NTAQ1: variants seen among roughly 807,000 people sequenced by gnomAD.
NTAQ1 encodes the protein N-terminal glutamine amidase 1, also known as protein N-terminal glutamine amidohydrolase.
NTAQ1 carries 21 observed loss-of-function variants against 28.2 expected under a neutral mutation model. The ratio of observed to expected loss-of-function variants is 0.74; its 90% confidence interval spans 0.53 to 1.07. NTAQ1 has a LOEUF of 1.07. Ranked by LOEUF, NTAQ1 falls within the 50% of genes least tolerant of loss-of-function variation. The probability of loss-of-function intolerance (pLI) is 0.00; values close to 1 mark genes in which losing one functional copy is unlikely to be tolerated. For missense variants in NTAQ1, 264 were observed against 256.6 expected, an observed-to-expected ratio of 1.03 and a Z score of -0.20; for synonymous variants, 105 against 90.0, an observed-to-expected ratio of 1.17 and a Z score of -0.94.
downstream of NTAQ1, among the ~76,000 whole-genome samples, chr8:123,453,082 C>A (rs919229903): frequency 1.3e-5 from 2 of 152,152 alleles, no homozygotes; most frequent in East Asian, 3.9e-4. Context: ...TTAATACAGT[C>A]ACACCGTTCT....
rs771330580 is a variant in NTAQ1, at chr8:123,436,620, G to A, written c.383+19G>A. 6 of 1,597,494 alleles carry A rather than the reference G, an allele frequency of 3.8e-6. No individual in the cohort carries two copies. The East Asian group carries it at 6.7e-5, about 18-fold the overall frequency. The stretch of plus-strand genomic sequence containing the variant: ...TTAGGAGGTGAGGACATTCAAGATG[G>A]ATTTACTTATTTTCTGAAGTAAGAA... On this transcript the variant is annotated intron_variant, in intron 4 of 5. Coordinates refer to ENST00000287387, the MANE Select transcript of NTAQ1 (RefSeq NM_018024.3).
intron 3 of NTAQ1, among the ~76,000 whole-genome samples, chr8:123,431,171 C>T (rs1814366457): frequency 6.6e-6 from 1 of 151,966 alleles, no homozygotes; most frequent in African/African-American, 2.4e-5. Context: ...AACCCCGTCT[C>T]TACTAAAGTA....
downstream of NTAQ1, among the ~76,000 whole-genome samples, chr8:123,445,273 AC>A (rs145454036): frequency 1.4e-5 from 2 of 144,296 alleles, no homozygotes; most frequent in Admixed American, 7.0e-5. Context: ...TTGTTTCCCC[AC>A]CCCCCCGACA....
chr8:123,451,772 G>A (rs1815501513), downstream of NTAQ1, among the ~76,000 whole-genome samples: 1 of 152,176 alleles, frequency 6.6e-6, no homozygotes, highest in Non-Finnish European at 1.5e-5. Flanking sequence ...ATTCAATAAA[G>A]GAACAACTCC....
chr8:123,457,184 A>T (rs1815673578), intron 6 of NTAQ1, among the ~76,000 whole-genome samples: 1 of 152,158 alleles, frequency 6.6e-6, no homozygotes, highest in African/African-American at 2.4e-5. Context: ...CTCCTGCCTC[A>T]GCCTACCAAG....
chr8:123,443,047 T>G (rs912314301), downstream of NTAQ1, among the ~76,000 whole-genome samples: 1 of 151,032 alleles, frequency 6.6e-6, no homozygotes, highest in African/African-American at 2.4e-5. Flanking sequence ...TGAGACAAAG[T>G]CTCACTCTGT....
At chr8:123,459,017 G>T (rs1815739156) in intron 6 of NTAQ1, among the ~76,000 whole-genome samples, 1 of 152,000 alleles carries the variant, frequency 6.6e-6, no homozygotes, top group Non-Finnish European at 1.5e-5. Context: ...GGCGGAGGTT[G>T]CAGTGAGCCG....
chr8:123,455,780 T>TTCC (rs1440839348), intron 6 of NTAQ1, among the ~76,000 whole-genome samples: 4 of 152,164 alleles, frequency 2.6e-5, no homozygotes, highest in Non-Finnish European at 5.9e-5. Flanking sequence ...GGAAGTCTAC[T>TTCC]GCAGGTGTTC....
intron 1 of NTAQ1, among the ~76,000 whole-genome samples, chr8:123,417,657 G>C (rs953000278): frequency 1.3e-5 from 2 of 152,036 alleles, no homozygotes; most frequent in Non-Finnish European, 2.9e-5. Context: ...CCAGCTTCTA[G>C]TCCTTGTACA....
At chr8:123,466,188 C>A (rs959813029) in intron 6 of NTAQ1, among the ~76,000 whole-genome samples, 6 of 152,068 alleles carry the variant, frequency 3.9e-5, no homozygotes, top group Admixed American at 1.3e-4. Flanking sequence ...CACCAAAGAT[C>A]CCAAGAAAAG....
chr8:123,438,835 T>C (rs1034001801), intron 5 of NTAQ1, among the ~76,000 whole-genome samples: 30 of 152,156 alleles, frequency 2.0e-4, no homozygotes, highest in African/African-American at 6.8e-4. Flanking sequence ...TGGAATTGCT[T>C]ATCAGTACAC....
chr8:123,469,261 T>C (rs970556218), exon 7 of NTAQ1, among the ~76,000 whole-genome samples: 48 of 152,356 alleles, frequency 3.2e-4, no homozygotes, highest in African/African-American at 1.1e-3. Context: ...TTTTGTTGCC[T>C]ATGCATTTAG....
intron 1 of NTAQ1, among the ~76,000 whole-genome samples, chr8:123,419,386 A>G (rs1263297351): frequency 6.6e-6 from 1 of 151,996 alleles, no homozygotes; most frequent in African/African-American, 2.4e-5. Flanking sequence ...GGTGTGAGTC[A>G]CCGTGCCCGG....
Position 123,441,579 on chromosome 8 carries a change from C to A in NTAQ1, c.*164C>A. On this transcript the variant is annotated 3_prime_UTR_variant, in exon 6 of 6. Coordinates refer to ENST00000287387, the MANE Select transcript of NTAQ1 (RefSeq NM_018024.3). Reference sequence around the variant, plus strand: ...AGTGAATACAAATATAAATGAACAACATAAAAACTTTTGTTTTGACATGTC... The same window carrying A: ...AGTGAATACAAATATAAATGAACAAAATAAAAACTTTTGTTTTGACATGTC... 1 of 656,386 alleles carries A rather than the reference C, an allele frequency of 1.5e-6. No homozygotes were observed. The highest frequency in any genetic ancestry group is 2.6e-6 in the Non-Finnish European group (1 of 381,252). 40.7% of individuals were successfully genotyped at this position (656,386 alleles called of 1,614,324 possible). A position where few individuals can be genotyped will look rare whatever the true frequency, so the allele number is the denominator to read the frequency against.
intron 5 of NTAQ1, chr8:123,438,291 A>T: frequency 1.5e-6 from 1 of 664,972 alleles, no homozygotes; most frequent in Non-Finnish European, 2.7e-6. Context: ...CAACACCTGG[A>T]TAATACAGTC....
intron 6 of NTAQ1, among the ~76,000 whole-genome samples, chr8:123,463,729 A>G (rs1462980522): frequency 6.6e-6 from 1 of 152,128 alleles, no homozygotes; most frequent in Non-Finnish European, 1.5e-5. Flanking sequence ...CTAAGGGGGA[A>G]GAAAGGAAGC....
At chr8:123,459,677 C>G (rs1586969615) in intron 6 of NTAQ1, among the ~76,000 whole-genome samples, 2 of 152,124 alleles carry the variant, frequency 1.3e-5, no homozygotes, top group East Asian at 3.8e-4. Context: ...GTCTCAGGTA[C>G]CTGGGGCAGA....
chr8:123,436,482 A>G lies in NTAQ1; in HGVS notation c.264A>G (p.Ser88=), dbSNP rs1814719765. ...WDYHVVLLHV[S]SGGQNFIYDL... ...ACCATGTTGTTTTGCTTCATGTTTCAAGTGGAGGACAGAACTTCATTTATG... is the reference window on the plus strand; with the variant it reads ...ACCATGTTGTTTTGCTTCATGTTTCGAGTGGAGGACAGAACTTCATTTATG... The change falls in exon 4 of 6, where the codon TCA becomes TCG. Residue 88 remains serine (S), a synonymous_variant. Transcript: ENST00000287387. 2 of 1,613,350 alleles carry G rather than the reference A, an allele frequency of 1.2e-6. No individual in the cohort carries two copies. Among genetic ancestry groups the G allele is most frequent in the Non-Finnish European group, 1.7e-6 (2 of 1,179,796 alleles).
chr8:123,436,533 C>G lies in NTAQ1; in HGVS notation c.315C>G (p.Pro105=). 2 of 1,614,048 alleles carry G rather than the reference C, an allele frequency of 1.2e-6. No individual in the cohort carries two copies. Among genetic ancestry groups the G allele is most frequent in the Non-Finnish European group, 1.7e-6 (2 of 1,179,972 alleles). The change falls in exon 4 of 6, where the codon CCC becomes CCG. Residue 105 remains proline (P), a synonymous_variant. Transcript: ENST00000287387. ...ATCTCGATACTGTCTTGCCATTTCC[C>G]TGCCTCTTTGACACTTATGTAGAAG... ...IYDLDTVLPF[P]CLFDTYVEDA...
Sources: gnomAD v4.1 joint callset for allele counts (sites outside exome capture counted in the v4.1 genomes callset) on GRCh38, gnomAD v4.1.1 for gene constraint, MANE v1.5 for transcripts, NCBI Gene and HGNC (gene_info 2026-07-23, HGNC 2026-07-21) for gene names.